The following PCDHA11 variants were observed in gnomAD, a reference collection of about 807,000 sequenced individuals.
PCDHA11 encodes the protein protocadherin alpha 11.
Under a neutral mutation model 70.3 loss-of-function variants are expected in PCDHA11, and 61 were observed. The ratio of observed to expected loss-of-function variants is 0.87; its 90% confidence interval spans 0.71 to 1.07. The LOEUF (loss-of-function observed/expected upper bound fraction) is 1.07. Among genes scored for constraint, PCDHA11 ranks in the 50% least tolerant of loss-of-function variants. The pLI is 0.00. For synonymous variants in PCDHA11, 633 were observed against 555.1 expected (o/e 1.14, Z -1.97); for missense variants, 1,324 against 1,237.5 (o/e 1.07, Z -1.05).
intron 3 of PCDHA11, among the ~76,000 whole-genome samples, chr5:141,005,605 G>A (rs1366861614): frequency 7.3e-5 from 11 of 150,146 alleles, no homozygotes; most frequent in African/African-American, 2.7e-4. Context: ...AGGAGGCTGA[G>A]GCAGGAGAAT....
At position 140,978,997 on chromosome 5, in the gene PCDHA11, G is replaced by C. The variant is rs782253140; in HGVS notation, c.2440G>C (p.Gly814Arg). The C allele has an allele frequency of 2.7e-5, 44 of 1,614,040 alleles. No individual in the cohort carries two copies. Among genetic ancestry groups the C allele is most frequent in the Non-Finnish European group, 3.6e-5 (43 of 1,180,028 alleles). ...GCGTTACTCTGCCTCCCTGAGAGCA[G>C]GCATGCACAGGTATGTATTTCCCTC... ...DWRYSASLRAGMHSSVHLEEA... is the reference protein window; with the variant it reads ...DWRYSASLRARMHSSVHLEEA... Residue 814 changes from glycine to arginine, a missense_variant, in exon 2 of 4, where the codon GGC becomes CGC. Transcript: ENST00000398640.
intron 3 of PCDHA11, among the ~76,000 whole-genome samples, chr5:140,999,635 A>C (rs2097866612): frequency 6.6e-6 from 1 of 152,192 alleles, no homozygotes; most frequent in Non-Finnish European, 1.5e-5. Flanking sequence ...AAGGTAGAGA[A>C]AACTGTGCAG....
chr5:140,895,170 T>C (rs2064890754), intron 1 of PCDHA11, among the ~76,000 whole-genome samples: 1 of 152,176 alleles, frequency 6.6e-6, no homozygotes, highest in Admixed American at 6.5e-5. Flanking sequence ...TCCAATCTAT[T>C]TGTAGTCCCT....
At chr5:140,966,603 G>A (rs567686852) in intron 1 of PCDHA11, 9 of 656,454 alleles carry the variant, frequency 1.4e-5, no homozygotes, top group African/African-American at 1.3e-4. Flanking sequence ...AGGAGCCCTT[G>A]GGAGGGCCTA....
rs1554163388 is a variant in PCDHA11 at position 140,869,731 on chromosome 5, T to C, written c.628T>C (p.Leu210=). ...TAGAGAGAAAACTCCGGAACTTAATTTGCTGCTAACAGCTACAGACGGGGG... is the reference window on the plus strand; with the variant it reads ...TAGAGAGAAAACTCCGGAACTTAATCTGCTGCTAACAGCTACAGACGGGGG... ...LDREKTPELN[L]LLTATDGGKP... The change falls in exon 1 of 4, where the codon TTG becomes CTG. Residue 210 remains leucine, a synonymous_variant. Transcript: ENST00000398640. 6.2e-7 allele frequency: 1 copy of C among 1,613,416 alleles called. No individual in the cohort carries two copies.
intron 1 of PCDHA11, among the ~76,000 whole-genome samples, chr5:140,889,028 C>T (rs1015343865): frequency 4.0e-5 from 6 of 151,754 alleles, no homozygotes; most frequent in African/African-American, 7.3e-5. Flanking sequence ...CTTGGATAAC[C>T]GTAATTTGAT....
chr5:140,876,204 GC>G, intron 1 of PCDHA11: 1 of 1,613,934 alleles, frequency 6.2e-7, no homozygotes. Context: ...CGTTTGATAA[GC>G]CCAGCTATAA....
chr5:140,948,240 T>C (rs1554218495), intron 1 of PCDHA11, among the ~76,000 whole-genome samples: 1 of 151,684 alleles, frequency 6.6e-6, no homozygotes, highest in East Asian at 1.9e-4. Flanking sequence ...TGTATTTTAG[T>C]AAATATTTTT....
intron 1 of PCDHA11, among the ~76,000 whole-genome samples, chr5:140,905,145 T>C (rs1264141592): frequency 1.3e-5 from 2 of 152,252 alleles, no homozygotes; most frequent in African/African-American, 4.8e-5. Context: ...TCTGCTGTTA[T>C]ATTTTAGAAT....
In PCDHA11 at chr5:141,011,771, G is replaced by A. The variant is rs1327507093; in HGVS notation, c.*1834G>A. On this transcript the variant is annotated 3_prime_UTR_variant, in exon 4 of 4. Transcript: ENST00000398640. ...TCTGACCTCTTTGAAGTTGCAGAATGCTTTGAAATTCTAATGGTATCTGAA... is the reference window on the plus strand; with the variant it reads ...TCTGACCTCTTTGAAGTTGCAGAATACTTTGAAATTCTAATGGTATCTGAA... The A allele has an allele frequency of 1.3e-5, 2 of 153,698 alleles. No individual in the cohort carries two copies. The highest frequency in any genetic ancestry group is 4.8e-5 in the African/African-American group (2 of 41,424). The allele number at this position is 153,698 out of a possible 1,614,324, so 9.5% of individuals were successfully genotyped here.
intron 1 of PCDHA11, among the ~76,000 whole-genome samples, chr5:140,945,249 T>C (rs1181677082): frequency 6.6e-6 from 1 of 152,050 alleles, no homozygotes; most frequent in African/African-American, 2.4e-5. Flanking sequence ...ACCAAGAGGA[T>C]GAAAGACCTG....
intron 1 of PCDHA11, chr5:140,969,215 C>A (rs782320507): frequency 6.2e-7 from 1 of 1,614,010 alleles, no homozygotes; most frequent in Admixed American, 1.7e-5. Context: ...CCAGACAGGA[C>A]CAGGGCCTTC....
rs147047116 is a variant in PCDHA11, at chr5:140,937,713, C to T, written c.2392-41236C>T. Among the ~76,000 whole-genome samples the T allele has an allele frequency of 7.0e-4, 107 of 151,998 alleles. No homozygotes were observed. The East Asian group carries it at 0.02, about 28-fold the overall frequency. On this transcript the variant is annotated intron_variant, in intron 1 of 3. Transcript: ENST00000398640. The stretch of plus-strand genomic sequence containing the variant: ...GGATCACGAGGTCAGGAGATCAAGA[C>T]CATCCTGGCTAACACGGTGAAACCC...
At chr5:140,889,949 A>G (rs1444545834) in intron 1 of PCDHA11, among the ~76,000 whole-genome samples, 1 of 152,202 alleles carries the variant, frequency 6.6e-6, no homozygotes, top group South Asian at 2.1e-4. Flanking sequence ...GAGAAGCCAA[A>G]TGGATAGAAA....
intron 1 of PCDHA11, chr5:140,877,827 T>C (rs1554170143): frequency 1.2e-6 from 2 of 1,601,676 alleles, no homozygotes; most frequent in Middle Eastern, 1.7e-4. Flanking sequence ...ATTGTTTAAA[T>C]CCTCCCAGTG....
At chr5:140,965,030 C>A (rs2095870201) in intron 1 of PCDHA11, among the ~76,000 whole-genome samples, 1 of 152,166 alleles carries the variant, frequency 6.6e-6, no homozygotes, top group East Asian at 1.9e-4. Flanking sequence ...GCTCCTTTAA[C>A]TGTCCGCTCT....
At chr5:140,929,228 A>G in intron 1 of PCDHA11, 1 of 1,613,898 alleles carries the variant, frequency 6.2e-7, no homozygotes, top group Non-Finnish European at 8.5e-7. Flanking sequence ...AATGCTGCCG[A>G]CCTGCGAAAT....
chr5:140,935,952 G>C (rs1554210758), intron 1 of PCDHA11, among the ~76,000 whole-genome samples: 3 of 148,522 alleles, frequency 2.0e-5, no homozygotes, highest in Non-Finnish European at 4.4e-5. Flanking sequence ...GAGTAAAGTG[G>C]TACAATCTTG....
chr5:140,978,150 C>T (rs1009630892), intron 1 of PCDHA11, among the ~76,000 whole-genome samples: 2 of 152,286 alleles, frequency 1.3e-5, no homozygotes, highest in South Asian at 4.2e-4. Context: ...TTGTTCTCCC[C>T]CTTCAGACTG....
Sources: gnomAD v4.1 joint callset for allele counts (sites outside exome capture counted in the v4.1 genomes callset) on GRCh38, gnomAD v4.1.1 for gene constraint, MANE v1.5 for transcripts, NCBI Gene and HGNC (gene_info 2026-07-23, HGNC 2026-07-21) for gene names.